Variants in ASPRV1 observed in about 807,000 individuals in gnomAD.
ASPRV1 encodes the protein aspartic peptidase retroviral like 1.
Under a neutral mutation model 11.0 loss-of-function variants are expected in ASPRV1, and 7 were observed. The observed-to-expected ratio is 0.64, with a 90% CI of 0.36 to 1.20. ASPRV1 has a LOEUF of 1.20. Ranked by LOEUF, ASPRV1 falls within the 50% of genes most tolerant of loss-of-function variation. The pLI is 0.02. For missense variants in ASPRV1, 299 were observed against 320.0 expected (o/e 0.93, Z 0.50); for synonymous variants, 136 against 138.4 (o/e 0.98, Z 0.12).
At chr2:69,950,041 C>T in the ASPRV1 span, among the ~76,000 whole-genome samples, 1 of 152,152 alleles carries the variant, frequency 6.6e-6, no homozygotes, top group Non-Finnish European at 1.5e-5. Context: ...GTCTCGAACT[C>T]CTGACCTCAG....
chr2:70,038,166 C>T, the ASPRV1 span, among the ~76,000 whole-genome samples: 1 of 152,168 alleles, frequency 6.6e-6, no homozygotes, highest in Non-Finnish European at 1.5e-5. Context: ...GTAAGTGCTA[C>T]TCAAAACAAG....
At chr2:69,956,478 A>AGAAGAAGAAGAAG (rs780393687), downstream of ASPRV1, among the ~76,000 whole-genome samples, 4 of 124,464 alleles carry the variant, frequency 3.2e-5, no homozygotes, top group African/African-American at 1.2e-4. Context: ...AAGAAGAAGA[A>AGAAGAAGAAGAAG]AAGAGGAAGA....
the ASPRV1 span, among the ~76,000 whole-genome samples, chr2:70,074,356 T>G: frequency 6.7e-6 from 1 of 150,210 alleles, no homozygotes; most frequent in Non-Finnish European, 1.5e-5. Flanking sequence ...TGGCACAATC[T>G]TGGCTCACTG....
the ASPRV1 span, chr2:70,015,450 G>A: frequency 6.6e-6 from 1 of 152,134 alleles, no homozygotes; most frequent in African/African-American, 2.4e-5. Flanking sequence ...GTACTCACAG[G>A]ATGGGAAACC....
the ASPRV1 span, among the ~76,000 whole-genome samples, chr2:70,080,561 A>G: frequency 6.6e-6 from 1 of 152,232 alleles, no homozygotes; most frequent in Non-Finnish European, 1.5e-5. Context: ...GAGAGTTATC[A>G]ATCATTTGCT....
chr2:69,969,982 T>C, the ASPRV1 span, among the ~76,000 whole-genome samples: 1 of 152,098 alleles, frequency 6.6e-6, no homozygotes, highest in Middle Eastern at 3.4e-3. Context: ...TCCTCCCGCC[T>C]TGGCCTCCCA....
chr2:69,992,865 C>A, the ASPRV1 span, among the ~76,000 whole-genome samples: 1 of 152,140 alleles, frequency 6.6e-6, no homozygotes, highest in Non-Finnish European at 1.5e-5. Context: ...ACGTGCATTA[C>A]GTAGTAATCT....
At chr2:70,058,108 T>A in the ASPRV1 span, among the ~76,000 whole-genome samples, 3 of 152,180 alleles carry the variant, frequency 2.0e-5, no homozygotes, top group African/African-American at 7.2e-5. Context: ...AGGCTGTATG[T>A]GTTGGCTTTA....
At chr2:70,028,210 C>T in the ASPRV1 span, among the ~76,000 whole-genome samples, 1 of 152,158 alleles carries the variant, frequency 6.6e-6, no homozygotes, top group Admixed American at 6.5e-5. Context: ...CACTCTTTTC[C>T]ACCCCAATAC....
chr2:70,022,798 A>AT, the ASPRV1 span, among the ~76,000 whole-genome samples: 1 of 152,198 alleles, frequency 6.6e-6, no homozygotes, highest in Non-Finnish European at 1.5e-5. Flanking sequence ...GCCAAGATGT[A>AT]TACTCATCAA....
At chr2:69,935,273 T>C in the ASPRV1 span, 5 of 1,030,398 alleles carry the variant, frequency 4.9e-6, no homozygotes, top group East Asian at 9.8e-5. Context: ...CTTCACACTC[T>C]TTGAGAACTC....
the ASPRV1 span, among the ~76,000 whole-genome samples, chr2:70,057,340 C>T: frequency 6.6e-6 from 1 of 152,130 alleles, no homozygotes; most frequent in Non-Finnish European, 1.5e-5. Flanking sequence ...TAAATGCTAA[C>T]ACTAGCACAC....
the ASPRV1 span, among the ~76,000 whole-genome samples, chr2:70,021,027 A>G: frequency 0.068 from 10,378 of 152,216 alleles, 1,226 homozygotes; most frequent in African/African-American, 0.24. Context: ...AAATTTTTAA[A>G]TTATATAATG....
At chr2:69,989,681 C>T in the ASPRV1 span, among the ~76,000 whole-genome samples, 2 of 152,256 alleles carry the variant, frequency 1.3e-5, no homozygotes, top group Admixed American at 6.5e-5. Flanking sequence ...TTCTGAGCCA[C>T]GTCATGGTTT....
chr2:70,061,330 G>A, the ASPRV1 span, among the ~76,000 whole-genome samples: 1 of 151,728 alleles, frequency 6.6e-6, no homozygotes, highest in Non-Finnish European at 1.5e-5. Flanking sequence ...GGGAGGCAGA[G>A]GTTGTAGTGA....
At chr2:69,952,877 C>G in the ASPRV1 span, among the ~76,000 whole-genome samples, 11 of 152,252 alleles carry the variant, frequency 7.2e-5, no homozygotes, top group South Asian at 2.3e-3. Context: ...CCCCTAAGTC[C>G]TGTTGGTTCG....
chr2:70,008,284 C>T, the ASPRV1 span, among the ~76,000 whole-genome samples: 5 of 152,068 alleles, frequency 3.3e-5, no homozygotes, highest in African/African-American at 7.2e-5. Context: ...GCCATAGGAA[C>T]GAATCTCCAT....
chr2:70,020,816 T>C, the ASPRV1 span, among the ~76,000 whole-genome samples: 2 of 152,002 alleles, frequency 1.3e-5, no homozygotes, highest in Admixed American at 1.3e-4. Context: ...ATCAGATGCA[T>C]GGAGAACAGA....
chr2:70,014,691 T>C, the ASPRV1 span: 1 of 151,218 alleles, frequency 6.6e-6, no homozygotes, highest in African/African-American at 2.4e-5. Flanking sequence ...TCCCAGCTAT[T>C]TGGGAGGCTG....
Sources: gnomAD v4.1 joint callset for allele counts (sites outside exome capture counted in the v4.1 genomes callset) on GRCh38, gnomAD v4.1.1 for gene constraint, MANE v1.5 for transcripts, NCBI Gene and HGNC (gene_info 2026-07-23, HGNC 2026-07-21) for gene names.